Variants in OSBPL1A observed in about 807,000 individuals in gnomAD.
OSBPL1A encodes the protein oxysterol-binding protein-related protein 1.
OSBPL1A carries 80 observed loss-of-function variants against 137.1 expected under a neutral mutation model. The observed-to-expected ratio is 0.58, with a 90% CI of 0.49 to 0.70. OSBPL1A has a LOEUF of 0.70. OSBPL1A is among the 30% of genes least tolerant of loss of function. The pLI is 0.00. For synonymous variants in OSBPL1A, 365 were observed against 389.7 expected, an observed-to-expected ratio of 0.94 and a Z score of 0.75; for missense variants, 970 against 1,129.4, an observed-to-expected ratio of 0.86 and a Z score of 2.02.
At chr18:24,169,722 G>A (rs1424964050) in intron 24 of OSBPL1A, among the ~76,000 whole-genome samples, 4 of 152,246 alleles carry the variant, frequency 2.6e-5, no homozygotes, top group East Asian at 1.9e-4. Flanking sequence ...TGCAGTCCTC[G>A]AGCATTTATG....
At chr18:24,295,001 T>C (rs118192075) in intron 14 of OSBPL1A, among the ~76,000 whole-genome samples, 2,827 of 152,324 alleles carry the variant, frequency 0.019, 35 homozygotes, top group Non-Finnish European at 0.027. Context: ...CTGTTCTCCA[T>C]AGAGGTTGTA....
intron 1 of OSBPL1A, among the ~76,000 whole-genome samples, chr18:24,392,253 C>T (rs552124050): frequency 2.0e-5 from 3 of 152,086 alleles, no homozygotes; most frequent in East Asian, 1.9e-4. Context: ...CTCCGCCTCC[C>T]GGGTTCAAGT....
intron 4 of OSBPL1A, among the ~76,000 whole-genome samples, chr18:24,351,169 A>G (rs1227715037): frequency 1.3e-5 from 2 of 151,718 alleles, no homozygotes; most frequent in African/African-American, 2.4e-5. Context: ...CCAACATGGT[A>G]AAACCCTGTC....
chr18:24,171,553 G>T, intron 22 of OSBPL1A, 55 bp from the exon 23 acceptor site: 1 of 1,353,454 alleles, frequency 7.4e-7, no homozygotes, highest in Non-Finnish European at 1.0e-6. Context: ...CAGCAGTAGA[G>T]AAAAATAACT....
In OSBPL1A at chr18:24,318,660, T is replaced by G; in HGVS notation, c.688-15A>C. 1 of 1,608,758 alleles carries G rather than the reference T, an allele frequency of 6.2e-7. No individual in the cohort carries two copies. The highest frequency in any genetic ancestry group is 1.3e-5 in the African/African-American group (1 of 74,714). On this transcript the variant is annotated splice_polypyrimidine_tract_variant and intron_variant, in intron 8 of 27. Coordinates refer to ENST00000319481, the MANE Select transcript of OSBPL1A (RefSeq NM_080597.4). ...TTGTAGATGACCTGTCAAAAACATGTTTTCATGAAAAATGCATCTACATAT... is the reference window on the plus strand; with the variant it reads ...TTGTAGATGACCTGTCAAAAACATGGTTTCATGAAAAATGCATCTACATAT...
At chr18:24,283,687 T>C (rs917683112) in intron 14 of OSBPL1A, among the ~76,000 whole-genome samples, 1 of 152,150 alleles carries the variant, frequency 6.6e-6, no homozygotes, top group Non-Finnish European at 1.5e-5. Flanking sequence ...ATCCCTTCCA[T>C]AAATTTTCTG....
chr18:24,368,930 A>G (rs1043125367), intron 2 of OSBPL1A, among the ~76,000 whole-genome samples: 1 of 152,104 alleles, frequency 6.6e-6, no homozygotes, highest in Non-Finnish European at 1.5e-5. Flanking sequence ...ATTGGATCAT[A>G]GGGGCGGATT....
At chr18:24,262,643 T>C (rs1485192870) in intron 15 of OSBPL1A, among the ~76,000 whole-genome samples, 2 of 152,206 alleles carry the variant, frequency 1.3e-5, no homozygotes, top group Non-Finnish European at 2.9e-5. Context: ...AGTAAGCTTT[T>C]ACAAATATAT....
intron 17 of OSBPL1A, among the ~76,000 whole-genome samples, chr18:24,216,829 A>G (rs2087716932): frequency 6.6e-6 from 1 of 152,170 alleles, no homozygotes; most frequent in Non-Finnish European, 1.5e-5. Flanking sequence ...CGGTCAATGC[A>G]GTAGCAATGA....
chr18:24,305,597 A>G (rs920430493), intron 13 of OSBPL1A, among the ~76,000 whole-genome samples: 1 of 152,236 alleles, frequency 6.6e-6, no homozygotes, highest in Non-Finnish European at 1.5e-5. Context: ...AATTCTTATT[A>G]ATATTTTGCA....
At chr18:24,268,942 C>G (rs1352318547) in intron 15 of OSBPL1A, among the ~76,000 whole-genome samples, 1 of 152,164 alleles carries the variant, frequency 6.6e-6, no homozygotes, top group Non-Finnish European at 1.5e-5. Flanking sequence ...TCCACATTCC[C>G]TCAATTCCCT....
intron 14 of OSBPL1A, among the ~76,000 whole-genome samples, chr18:24,284,760 T>C (rs797015217): frequency 7.9e-5 from 12 of 152,054 alleles, no homozygotes; most frequent in African/African-American, 2.7e-4. Context: ...TGGTGAATAT[T>C]GGATGTTGAA....
chr18:24,318,917 C>G, intron 7 of OSBPL1A, 108 bp from the exon 8 acceptor site: 1 of 940,310 alleles, frequency 1.1e-6, no homozygotes, highest in Non-Finnish European at 1.6e-6. Context: ...TTGCCTATAT[C>G]TTTTTCTTTC....
At chr18:24,321,530 C>T (rs1297146129) in intron 7 of OSBPL1A, 3 of 377,718 alleles carry the variant, frequency 7.9e-6, no homozygotes, top group Admixed American at 4.7e-5. Context: ...CTCAAGCGAT[C>T]TGCCAGCCTC....
At chr18:24,332,895 T>C (rs369223918) in intron 7 of OSBPL1A, 47 bp downstream of exon 7, 1 of 1,600,330 alleles carries the variant, frequency 6.2e-7, no homozygotes, top group African/African-American at 1.3e-5. Flanking sequence ...TTGACTTCAT[T>C]TTATAATTTC....
chr18:24,395,459 T>G (rs1269183030), intron 1 of OSBPL1A, among the ~76,000 whole-genome samples: 1 of 152,116 alleles, frequency 6.6e-6, no homozygotes, highest in Non-Finnish European at 1.5e-5. Context: ...TATCTCTGAG[T>G]AAAATAAAGC....
intron 14 of OSBPL1A, among the ~76,000 whole-genome samples, chr18:24,288,794 T>C (rs1315896907): frequency 6.7e-6 from 1 of 149,614 alleles, no homozygotes; most frequent in Non-Finnish European, 1.5e-5. Flanking sequence ...GTGGAGGCAG[T>C]GTGTCCAGCC....
chr18:24,334,085 G>C (rs2091129448), intron 6 of OSBPL1A, among the ~76,000 whole-genome samples, 160 bp downstream of exon 6: 1 of 152,094 alleles, frequency 6.6e-6, no homozygotes, highest in African/African-American at 2.4e-5. Flanking sequence ...ACCATGCTGA[G>C]TGTTTTTAGA....
At chr18:24,275,930 T>C (rs1355843797) in intron 15 of OSBPL1A, among the ~76,000 whole-genome samples, 4 of 152,094 alleles carry the variant, frequency 2.6e-5, no homozygotes, top group Non-Finnish European at 5.9e-5. Context: ...GGTTTCACCA[T>C]GTTGGACAGA....
Sources: allele counts gnomAD v4.1 joint callset (sites outside exome capture counted in the v4.1 genomes callset), GRCh38; gene constraint gnomAD v4.1.1; transcripts MANE v1.5; gene names NCBI Gene and HGNC (gene_info 2026-07-23, HGNC 2026-07-21).